TYW1: variants seen among roughly 807,000 people sequenced by gnomAD.
The protein encoded by TYW1 is S-adenosyl-L-methionine-dependent tRNA 4-demethylwyosine synthase TYW1.
TYW1 carries 46 observed loss-of-function variants against 96.2 expected under a neutral mutation model. The ratio of observed to expected loss-of-function variants is 0.48; its 90% CI spans 0.38 to 0.61. TYW1 has a LOEUF of 0.61. Ranked by LOEUF, TYW1 falls within the 20% of genes least tolerant of loss-of-function variation. The probability of loss-of-function intolerance (pLI) is 0.00; values close to 1 mark genes in which losing one functional copy is unlikely to be tolerated. For missense variants in TYW1, 684 were observed against 909.6 expected, an observed-to-expected ratio of 0.75 and a Z score of 3.19; for synonymous variants, 274 against 323.0, an observed-to-expected ratio of 0.85 and a Z score of 1.63.
intron 13 of TYW1, among the ~76,000 whole-genome samples, chr7:67,151,051 CTT>C (rs77369502): frequency 2.2e-4 from 31 of 142,670 alleles, no homozygotes; most frequent in Non-Finnish European, 1.8e-4. Context: ...TATTCTTCTT[CTT>C]TTTTTTTTTT....
At chr7:67,051,940 T>A (rs1795374442) in intron 8 of TYW1, among the ~76,000 whole-genome samples, 1 of 152,180 alleles carries the variant, frequency 6.6e-6, no homozygotes, top group Non-Finnish European at 1.5e-5. Context: ...CAGCTGTTTT[T>A]TCCTTCAGTG....
intron 11 of TYW1, among the ~76,000 whole-genome samples, chr7:67,091,407 C>T (rs551363066): frequency 1.7e-5 from 2 of 118,700 alleles, no homozygotes; most frequent in South Asian, 5.5e-4. Flanking sequence ...CACATCGGGG[C>T]CTGTCATGGG....
intron 7 of TYW1, among the ~76,000 whole-genome samples, chr7:67,029,696 G>A (rs1279466624): frequency 3.3e-5 from 5 of 151,922 alleles, no homozygotes; most frequent in Non-Finnish European, 5.9e-5. Flanking sequence ...TTGCAGGTTT[G>A]TTTTTTGTTT....
At chr7:67,207,634 T>C (rs1164963466) in intron 15 of TYW1, among the ~76,000 whole-genome samples, 1 of 151,556 alleles carries the variant, frequency 6.6e-6, no homozygotes, top group Non-Finnish European at 1.5e-5. Flanking sequence ...ACATTGAAAA[T>C]TCCCCAGTTG....
intron 3 of TYW1, among the ~76,000 whole-genome samples, chr7:67,001,859 C>T (rs879593769): frequency 6.6e-6 from 1 of 151,696 alleles, no homozygotes; most frequent in Non-Finnish European, 1.5e-5. Flanking sequence ...AAAGCAAAAC[C>T]CCATTTCTAC....
At position 67,060,787 on chromosome 7, in the gene TYW1, A is replaced by G. The variant is rs141846462; in HGVS notation, c.1155+4900A>G. Among the ~76,000 whole-genome samples, 298 of 152,332 alleles carry G rather than the reference A, an allele frequency of 2.0e-3. 2 individuals are homozygous for G. The highest frequency in any genetic ancestry group is 7.0e-3 in the African/African-American group (291 of 41,576). ...ATTATGATATGAAGTTCTTATTCCAACCTCTTGGAGAAAGCTGTTTACAGT... is the reference window on the plus strand; with the variant it reads ...ATTATGATATGAAGTTCTTATTCCAGCCTCTTGGAGAAAGCTGTTTACAGT... On this transcript the variant is annotated intron_variant, in intron 9 of 15. Coordinates refer to ENST00000359626, the MANE Select transcript of TYW1 (RefSeq NM_018264.4).
At chr7:67,058,183 C>G (rs1795586220) in intron 9 of TYW1, among the ~76,000 whole-genome samples, 2 of 152,220 alleles carry the variant, frequency 1.3e-5, no homozygotes. Context: ...ATCTACCCGC[C>G]TTGGCCTCCC....
In TYW1 at chr7:67,009,589, G is replaced by A. The variant is rs201171310; in HGVS notation, c.280G>A (p.Ala94Thr). ...TTTTTTTTGGTCCTATTAGGGATTC[G>A]CAACAGTTCTTGCTGAAGCAGTTAC... ...GSQTGTAKGFATVLAEAVTSL... is the reference protein window; with the variant it reads ...GSQTGTAKGFTTVLAEAVTSL... The change falls in exon 4 of 16, where the codon GCA becomes ACA. Residue 94 changes from alanine to threonine, a missense_variant. By Grantham distance (58) the Ala-to-Thr change is moderately conservative (BLOSUM62 0). Transcript: ENST00000359626. The A allele has an allele frequency of 3.9e-5, 63 of 1,610,448 alleles. No individual in the cohort carries two copies. In the East Asian group the frequency reaches 1.1e-3, roughly 28 times the overall value.
intron 4 of TYW1, among the ~76,000 whole-genome samples, chr7:67,010,336 C>T (rs1266604400): frequency 6.6e-6 from 1 of 151,736 alleles, no homozygotes; most frequent in Admixed American, 6.6e-5. Flanking sequence ...TTTATAGAGA[C>T]AGGCTCTCAC....
intron 15 of TYW1, among the ~76,000 whole-genome samples, chr7:67,205,480 G>A (rs1800760924): frequency 6.6e-6 from 1 of 151,628 alleles, no homozygotes. Flanking sequence ...GGGGAGAGGT[G>A]CCTTGTTACT....
intron 3 of TYW1, among the ~76,000 whole-genome samples, chr7:67,004,778 C>CA (rs1189250669): frequency 6.6e-6 from 1 of 152,074 alleles, no homozygotes; most frequent in African/African-American, 2.4e-5. Flanking sequence ...TTTTTTGAGA[C>CA]AGAGTCTTTC....
At chr7:67,120,848 G>C (rs757783287) in intron 13 of TYW1, among the ~76,000 whole-genome samples, 1 of 152,180 alleles carries the variant, frequency 6.6e-6, no homozygotes, top group African/African-American at 2.4e-5. Context: ...GCTCATGACA[G>C]TAATGCAGTA....
intron 13 of TYW1, 66 bp from the exon 14 acceptor site, chr7:67,183,060 A>C: frequency 1.4e-6 from 2 of 1,395,856 alleles, no homozygotes; most frequent in South Asian, 3.0e-5. Flanking sequence ...AAGCTTGAGA[A>C]ACCCTCTAGG....
At chr7:67,168,080 C>T (rs1385207476) in intron 13 of TYW1, among the ~76,000 whole-genome samples, 1 of 149,754 alleles carries the variant, frequency 6.7e-6, no homozygotes, top group Non-Finnish European at 1.5e-5. Flanking sequence ...AAATACTCCA[C>T]CATACTGAAG....
At chr7:67,108,073 C>T (rs947233372) in intron 12 of TYW1, among the ~76,000 whole-genome samples, 7 of 152,020 alleles carry the variant, frequency 4.6e-5, no homozygotes, top group African/African-American at 1.7e-4. Flanking sequence ...GACAGGGTTT[C>T]ACCATGTTGG....
At chr7:67,052,906 T>C (rs530774008) in intron 8 of TYW1, among the ~76,000 whole-genome samples, 2 of 151,984 alleles carry the variant, frequency 1.3e-5, no homozygotes, top group Admixed American at 1.3e-4. Flanking sequence ...CACGCCTGGC[T>C]AATTTTTTGT....
intron 10 of TYW1, among the ~76,000 whole-genome samples, chr7:67,080,757 G>T (rs1796358630): frequency 6.6e-6 from 1 of 151,956 alleles, no homozygotes; most frequent in Admixed American, 6.5e-5. Flanking sequence ...TTCAGTCTGT[G>T]TATATCTTTA....
intron 13 of TYW1, among the ~76,000 whole-genome samples, chr7:67,136,745 A>C (rs1798273001): frequency 2.0e-5 from 3 of 151,898 alleles, no homozygotes; most frequent in Non-Finnish European, 4.4e-5. Flanking sequence ...AAAATTATTG[A>C]CTGTCAAAAC....
chr7:67,153,802 C>CT (rs1413901590), intron 13 of TYW1, among the ~76,000 whole-genome samples: 1 of 151,554 alleles, frequency 6.6e-6, no homozygotes, highest in Admixed American at 6.6e-5. Flanking sequence ...CTACAAGTTG[C>CT]TTTTTTTGTT....
Sources: gnomAD v4.1 joint callset for allele counts (sites outside exome capture counted in the v4.1 genomes callset) on GRCh38, gnomAD v4.1.1 for gene constraint, MANE v1.5 for transcripts, NCBI Gene and HGNC (gene_info 2026-07-23, HGNC 2026-07-21) for gene names.